The following ZNF609 variants were observed in gnomAD, a reference collection of about 807,000 sequenced individuals.
ZNF609 encodes the protein zinc finger protein 609.
ZNF609 carries 11 observed loss-of-function variants against 109.5 expected under a neutral mutation model. That is an observed-to-expected ratio of 0.10 (90% CI 0.06 to 0.17). The LOEUF is 0.17. Among genes scored for constraint, ZNF609 ranks in the 10% least tolerant of loss-of-function variants. The pLI is 1.00. For synonymous variants in ZNF609, 646 were observed against 662.0 expected (o/e 0.98, Z 0.37); for missense variants, 1,559 against 1,772.4 (o/e 0.88, Z 2.16).
intron 3 of ZNF609, chr15:64,631,519 A>G (rs940078596): frequency 9.1e-6 from 6 of 662,110 alleles, no homozygotes; most frequent in Non-Finnish European, 1.7e-5. Context: ...CCAAAGAAAC[A>G]ACTTCATATT....
intron 3 of ZNF609, among the ~76,000 whole-genome samples, chr15:64,624,198 C>T (rs554177309): frequency 2.6e-5 from 4 of 152,166 alleles, no homozygotes; most frequent in African/African-American, 9.7e-5. Flanking sequence ...TTCAGAATAA[C>T]GTCGCTAATG....
chr15:64,571,946 G>A (rs116617873), intron 2 of ZNF609, among the ~76,000 whole-genome samples: 2 of 152,084 alleles, frequency 1.3e-5, no homozygotes, highest in East Asian at 1.9e-4. Context: ...GTGTGAGCCC[G>A]GCCTTGAGTC....
rs1357644231 is a variant in ZNF609, at chr15:64,468,249, C to A, written c.-128+7411C>A. Among the ~76,000 whole-genome samples, 3 of 149,856 alleles carry A rather than the reference C, an allele frequency of 2.0e-5. No individual in the cohort carries two copies. In the East Asian group the frequency reaches 5.9e-4, roughly 29 times the overall value. Reference sequence around the variant, plus strand: ...CTTTCCTTCCTTCCTTCCTCCTTTCCTTTCCTTTCCTTTCTTTTCTTTTCT... The same window carrying A: ...CTTTCCTTCCTTCCTTCCTCCTTTCATTTCCTTTCCTTTCTTTTCTTTTCT... On this transcript the variant is annotated intron_variant, in intron 1 of 9. Coordinates refer to ENST00000326648, the MANE Select transcript of ZNF609 (RefSeq NM_015042.2).
chr15:64,645,012 C>CCTTCCTTCCTTT (rs1896311772), intron 3 of ZNF609, among the ~76,000 whole-genome samples: 1 of 101,952 alleles, frequency 9.8e-6, no homozygotes, highest in African/African-American at 4.6e-5. Flanking sequence ...TTTCTTTCTT[C>CCTTCCTTCCTTT]CTTCCTTCCT....
intron 2 of ZNF609, among the ~76,000 whole-genome samples, chr15:64,554,815 G>A (rs1054990481): frequency 2.6e-5 from 4 of 151,664 alleles, no homozygotes; most frequent in Non-Finnish European, 4.4e-5. Context: ...AGAATTTTCC[G>A]GCCAGGTGTG....
intron 1 of ZNF609, among the ~76,000 whole-genome samples, chr15:64,475,754 G>A (rs1323379467): frequency 6.6e-6 from 1 of 152,022 alleles, no homozygotes; most frequent in African/African-American, 2.4e-5. Context: ...TTTTAAGCTC[G>A]TGAGATACCT....
chr15:64,571,334 T>G (rs1894857113), intron 2 of ZNF609, among the ~76,000 whole-genome samples: 1 of 152,176 alleles, frequency 6.6e-6, no homozygotes, highest in Non-Finnish European at 1.5e-5. Context: ...ATTTATTTAC[T>G]GTTTGCTAAA....
intron 2 of ZNF609, among the ~76,000 whole-genome samples, chr15:64,573,071 C>T (rs1449499128): frequency 6.6e-6 from 1 of 152,126 alleles, no homozygotes; most frequent in African/African-American, 2.4e-5. Flanking sequence ...TCCTAGGATG[C>T]ATTCATAGTA....
chr15:64,539,449 C>T (rs951424388), intron 2 of ZNF609, among the ~76,000 whole-genome samples: 2 of 151,884 alleles, frequency 1.3e-5, no homozygotes, highest in African/African-American at 4.8e-5. Flanking sequence ...CCGCGTGATC[C>T]ACCCGCCTTG....
At chr15:64,645,105 CCCTTCCTT>C (rs71133464) in intron 3 of ZNF609, among the ~76,000 whole-genome samples, 36 of 90,716 alleles carry the variant, frequency 4.0e-4, no homozygotes, top group African/African-American at 1.7e-3. Flanking sequence ...CTCCCTCCCT[CCCTTCCTT>C]CCTTCCTTCC....
intron 8 of ZNF609, 21 bp downstream of exon 8, chr15:64,680,883 A>G: frequency 4.4e-6 from 7 of 1,602,874 alleles, no homozygotes; most frequent in Non-Finnish European, 5.9e-6. Context: ...TTTCCCTACC[A>G]CCTGTTGTTT....
At chr15:64,665,584 C>G (rs919921434) in intron 3 of ZNF609, among the ~76,000 whole-genome samples, 2 of 152,098 alleles carry the variant, frequency 1.3e-5, no homozygotes, top group Admixed American at 6.5e-5. Flanking sequence ...GACTCTGTCT[C>G]TATTTTTAAA....
At chr15:64,669,984 A>T (rs1017591125) in intron 3 of ZNF609, among the ~76,000 whole-genome samples, 2 of 152,102 alleles carry the variant, frequency 1.3e-5, no homozygotes. Context: ...AAATTTTTTT[A>T]ATTATCCAGG....
chr15:64,644,957 T>C (rs1304509811), intron 3 of ZNF609, among the ~76,000 whole-genome samples: 2 of 146,398 alleles, frequency 1.4e-5, no homozygotes, highest in Admixed American at 6.6e-5. Context: ...TCTCTCTCTT[T>C]CTTTTCTTTT....
chr15:64,619,652 C>A lies in ZNF609; in HGVS notation c.748-3175C>A, dbSNP rs557280991. Among the ~76,000 whole-genome samples the A allele has an allele frequency of 1.8e-4, 27 of 152,324 alleles. 1 individual carries two copies. The South Asian group carries it at 5.4e-3, about 30-fold the overall frequency. On this transcript the variant is annotated intron_variant, in intron 2 of 9. Coordinates refer to ENST00000326648, the MANE Select transcript of ZNF609 (RefSeq NM_015042.2). The stretch of plus-strand genomic sequence containing the variant: ...GTAATTAAATAAAGTCATCTTCATA[C>A]AACAGAGATGCCAAACTCTGCCTAG...
At chr15:64,466,341 C>T (rs1340931125) in intron 1 of ZNF609, among the ~76,000 whole-genome samples, 1 of 152,086 alleles carries the variant, frequency 6.6e-6, no homozygotes, top group African/African-American at 2.4e-5. Context: ...CTTTTTAGTG[C>T]CTTCCATTCA....
At position 64,557,434 on chromosome 15, in the gene ZNF609, G is replaced by A. The variant is rs2140399857; in HGVS notation, c.747+57268G>A. Among the ~76,000 whole-genome samples, 3 of 152,160 alleles carry A rather than the reference G, an allele frequency of 2.0e-5. 1 individual carries two copies. The South Asian group carries it at 6.2e-4, about 32-fold the overall frequency. On this transcript the variant is annotated intron_variant, in intron 2 of 9. Coordinates refer to ENST00000326648, the MANE Select transcript of ZNF609 (RefSeq NM_015042.2). ...TGTAGGCTGAAGTATGATACAGAGT[G>A]TGAAACTGAAATATTTAGTCCAAAT...
chr15:64,678,026 T>C, intron 5 of ZNF609, 90 bp from the exon 6 acceptor site: 1 of 1,501,594 alleles, frequency 6.7e-7, no homozygotes, highest in Non-Finnish European at 8.9e-7. Context: ...GTACTAATTA[T>C]CTGCTCTGGT....
intron 2 of ZNF609, chr15:64,528,700 C>T (rs1181071141): frequency 7.6e-6 from 9 of 1,183,146 alleles, no homozygotes; most frequent in Non-Finnish European, 9.9e-6. Flanking sequence ...CCATGAGGTG[C>T]ACCACCCTGT....
Sources: gnomAD v4.1 joint callset for allele counts (sites outside exome capture counted in the v4.1 genomes callset) on GRCh38, gnomAD v4.1.1 for gene constraint, MANE v1.5 for transcripts, NCBI Gene and HGNC (gene_info 2026-07-23, HGNC 2026-07-21) for gene names.